The following KCND3 variants were observed in gnomAD, a reference collection of about 807,000 sequenced individuals.
KCND3 encodes potassium voltage-gated channel subfamily D member 3, also known as A-type voltage-gated potassium channel KCND3.
In KCND3, 9 loss-of-function variants were observed where a neutral mutation model predicts 51.1. The ratio of observed to expected loss-of-function variants is 0.18; its 90% CI spans 0.11 to 0.31. KCND3 has a LOEUF of 0.31. Among genes scored for constraint, KCND3 ranks in the 10% least tolerant of loss-of-function variants. The probability of loss-of-function intolerance (pLI) is 1.00; values close to 1 mark genes in which losing one functional copy is unlikely to be tolerated. For synonymous variants in KCND3, 349 were observed against 368.0 expected, an observed-to-expected ratio of 0.95 and a Z score of 0.59; for missense variants, 526 against 903.8, an observed-to-expected ratio of 0.58 and a Z score of 5.36.
Position 111,955,269 on chromosome 1 carries a change from C to G in KCND3, c.1106+26352G>C, listed in dbSNP as rs182678131. On this transcript the variant is annotated intron_variant, in intron 2 of 7. Coordinates refer to ENST00000302127, the MANE Select transcript of KCND3 (RefSeq NM_001378969.1). ...AGAAAATAAAAAATTAAAAAATTAG[C>G]CAGGTGTGGTGGCACATGCCTGTAT... Among the ~76,000 whole-genome samples, 213 of 152,056 alleles carry G rather than the reference C, an allele frequency of 1.4e-3. 1 individual carries two copies. The highest frequency in any genetic ancestry group is 4.9e-3 in the African/African-American group (205 of 41,484).
At chr1:111,961,291 C>T (rs1471021201) in intron 2 of KCND3, among the ~76,000 whole-genome samples, 4 of 152,240 alleles carry the variant, frequency 2.6e-5, no homozygotes, top group African/African-American at 4.8e-5. Context: ...CCCCATCAGA[C>T]CCGGCTGGCA....
At chr1:111,794,166 A>C (rs569904522) in intron 2 of KCND3, among the ~76,000 whole-genome samples, 4 of 152,388 alleles carry the variant, frequency 2.6e-5, no homozygotes, top group African/African-American at 4.8e-5. Flanking sequence ...AAAGCAAGGA[A>C]GCTTAACCTC....
chr1:111,953,049 T>A (rs534097729), intron 2 of KCND3, among the ~76,000 whole-genome samples: 1 of 152,030 alleles, frequency 6.6e-6, no homozygotes, highest in African/African-American at 2.4e-5. Flanking sequence ...TTATCCCCAG[T>A]GTACAAGTGA....
At chr1:111,970,490 G>A (rs1674267870) in intron 2 of KCND3, among the ~76,000 whole-genome samples, 1 of 152,176 alleles carries the variant, frequency 6.6e-6, no homozygotes, top group Admixed American at 6.5e-5. Context: ...AGGGCCAGCT[G>A]AAATGCCACC....
Position 111,982,396 on chromosome 1 carries a change from T to G in KCND3, c.331A>C (p.Ile111Leu). Residue 111 changes from isoleucine (I) to leucine (L), a missense_variant, in exon 2 of 8, where the codon ATC becomes CTC. Around this residue, in one of 5 missense-constraint regions of KCND3, gnomAD observed 159 missense variants for 262.8 expected, o/e 0.61. Transcript: ENST00000302127. The surrounding 1 kb of genome is among the most constrained non-coding windows in gnomAD (Gnocchi z 8.5). ...GKLHYPRYECISAYDDELAFY... is the reference protein window; with the variant it reads ...GKLHYPRYECLSAYDDELAFY... ...GCCAGCTCGTCGTCGTAGGCAGAGA[T>G]GCACTCGTAGCGCGGGTAGTGCAGC... The G allele has an allele frequency of 6.2e-7, 1 of 1,614,168 alleles. No homozygotes were observed.
At chr1:111,803,734 C>A (rs1665431010) in intron 2 of KCND3, among the ~76,000 whole-genome samples, 1 of 152,144 alleles carries the variant, frequency 6.6e-6, no homozygotes, top group Non-Finnish European at 1.5e-5. Flanking sequence ...TGTGCTGAAG[C>A]CAGGTGGGTG....
At chr1:111,819,128 TGTG>T (rs1666237688) in intron 2 of KCND3, among the ~76,000 whole-genome samples, 1 of 152,196 alleles carries the variant, frequency 6.6e-6, no homozygotes. Flanking sequence ...CTTCCCCATG[TGTG>T]ACCACAAGTG....
chr1:111,942,964 C>G (rs56116698), intron 2 of KCND3, among the ~76,000 whole-genome samples: 1 of 152,030 alleles, frequency 6.6e-6, no homozygotes, highest in East Asian at 1.9e-4. Flanking sequence ...GATGAAGAAC[C>G]GAAGCTAAAA....
chr1:111,923,128 T>C (rs1426155624), intron 2 of KCND3, among the ~76,000 whole-genome samples: 1 of 152,220 alleles, frequency 6.6e-6, no homozygotes, highest in African/African-American at 2.4e-5. Context: ...TTGGAATATA[T>C]GGCCTCTAAG....
At chr1:111,887,026 T>C (rs1669602009) in intron 2 of KCND3, among the ~76,000 whole-genome samples, 2 of 152,140 alleles carry the variant, frequency 1.3e-5, no homozygotes, top group Non-Finnish European at 2.9e-5. Context: ...TGTGTGACTC[T>C]GCCAGGGAAA....
At chr1:111,812,601 G>A (rs1665906056) in intron 2 of KCND3, among the ~76,000 whole-genome samples, 1 of 152,194 alleles carries the variant, frequency 6.6e-6, no homozygotes, top group African/African-American at 2.4e-5. Flanking sequence ...ATCTGTACGA[G>A]GGCCCAATGT....
chr1:111,974,623 A>G (rs1462840522), intron 2 of KCND3, among the ~76,000 whole-genome samples: 2 of 152,172 alleles, frequency 1.3e-5, no homozygotes, highest in Non-Finnish European at 2.9e-5. Flanking sequence ...CCTGGGTGGG[A>G]GAAACAAAAA....
rs530948384 is a variant in KCND3, at chr1:111,903,378, C to T, written c.1106+78243G>A. On this transcript the variant is annotated intron_variant, in intron 2 of 7. Transcript: ENST00000302127. The stretch of plus-strand genomic sequence containing the variant: ...GGGAGGGAAGATTTTCCAAATGTCC[C>T]TGCTAGCATCCAGCCTAGCCACCTG... Among the ~76,000 whole-genome samples, 6 of 152,346 alleles carry T rather than the reference C, an allele frequency of 3.9e-5. No individual in the cohort carries two copies. In the South Asian group the frequency reaches 1.2e-3, roughly 32 times the overall value.
chr1:111,825,236 T>C (rs1451793066), intron 2 of KCND3, among the ~76,000 whole-genome samples: 4 of 152,224 alleles, frequency 2.6e-5, no homozygotes, highest in African/African-American at 4.8e-5. Context: ...TGATCACCGA[T>C]ATCAGTGATG....
intron 2 of KCND3, among the ~76,000 whole-genome samples, chr1:111,948,003 G>A (rs1003435499): frequency 1.3e-5 from 2 of 152,168 alleles, no homozygotes; most frequent in African/African-American, 4.8e-5. Flanking sequence ...GGTTGTACAG[G>A]CCTCACCTCC....
chr1:111,935,812 G>A (rs1347042368), intron 2 of KCND3, among the ~76,000 whole-genome samples: 1 of 152,212 alleles, frequency 6.6e-6, no homozygotes, highest in Non-Finnish European at 1.5e-5. Flanking sequence ...CAGATCCAGA[G>A]AGTTCAAGAG....
intron 2 of KCND3, among the ~76,000 whole-genome samples, chr1:111,833,764 G>A (rs1666953276): frequency 1.3e-5 from 2 of 152,204 alleles, no homozygotes; most frequent in African/African-American, 4.8e-5. Context: ...ATAGATAGCT[G>A]AGAAATAGTG....
chr1:111,804,671 C>G (rs1395574985), intron 2 of KCND3, among the ~76,000 whole-genome samples: 2 of 152,192 alleles, frequency 1.3e-5, no homozygotes, highest in Non-Finnish European at 2.9e-5. Flanking sequence ...TTACTATGTG[C>G]CAGGCACTGG....
chr1:111,891,420 T>C (rs3860207), intron 2 of KCND3, among the ~76,000 whole-genome samples: 12,176 of 152,210 alleles, frequency 0.08, 536 homozygotes, highest in East Asian at 0.18. Flanking sequence ...GAATGGTCCA[T>C]CAGAGAGGAG....
Sources: gnomAD v4.1 joint callset for allele counts (sites outside exome capture counted in the v4.1 genomes callset) on GRCh38, gnomAD v4.1.1 for gene constraint, gnomAD v4.1.1 regional missense constraint, Gnocchi (gnomAD v3.1) non-coding constraint, MANE v1.5 for transcripts, NCBI Gene and HGNC (gene_info 2026-07-23, HGNC 2026-07-21) for gene names.